IKZF3: variants seen among roughly 807,000 people sequenced by gnomAD.
IKZF3 encodes the protein zinc finger protein Aiolos.
In IKZF3, 10 loss-of-function variants were observed where a neutral mutation model predicts 49.0. The ratio of observed to expected loss-of-function variants is 0.20; its 90% confidence interval spans 0.13 to 0.35. The LOEUF (loss-of-function observed/expected upper bound fraction) is 0.35, where lower values mean the gene tolerates loss of function less well. Ranked by LOEUF, IKZF3 falls within the 10% of genes least tolerant of loss-of-function variation. The pLI is 1.00. For synonymous variants in IKZF3, 209 were observed against 228.2 expected (o/e 0.92, Z 0.76); for missense variants, 498 against 664.8 (o/e 0.75, Z 2.76).
intron 1 of IKZF3, among the ~76,000 whole-genome samples, chr17:39,846,838 C>G (rs79375929): frequency 1.3e-5 from 2 of 151,882 alleles, no homozygotes; most frequent in East Asian, 3.9e-4. Context: ...ACTCCATGGT[C>G]TGTTTTCCCA....
At position 39,809,631 on chromosome 17, in the gene IKZF3, C is replaced by T. The variant is rs778836477; in HGVS notation, c.164-16698G>A. The stretch of plus-strand genomic sequence containing the variant: ...CTGCTGATTAGATCCTGGAAGAAAC[C>T]GCAAGACACAACTGTCAGGGGCAGA... On this transcript the variant is annotated intron_variant, in intron 3 of 7. Transcript: ENST00000346872. Among the ~76,000 whole-genome samples, 43 of 152,146 alleles carry T rather than the reference C, an allele frequency of 2.8e-4. 1 individual carries two copies. The highest frequency in any genetic ancestry group is 1.6e-4 in the Non-Finnish European group (11 of 68,026).
chr17:39,856,214 C>T (rs1237650967), intron 1 of IKZF3, among the ~76,000 whole-genome samples: 2 of 152,064 alleles, frequency 1.3e-5, no homozygotes, highest in African/African-American at 4.8e-5. Flanking sequence ...AGAAGCATGT[C>T]CCAAGCAGCT....
chr17:39,780,236 C>T lies in IKZF3; in HGVS notation c.710-2469G>A, dbSNP rs866832625. Among the ~76,000 whole-genome samples the T allele has an allele frequency of 1.9e-4, 27 of 138,780 alleles. No homozygotes were observed. In the South Asian group the frequency reaches 5.9e-3, roughly 31 times the overall value. The allele number at this position is 138,780 out of a possible 152,430, so 91.0% of individuals were successfully genotyped here. On this transcript the variant is annotated intron_variant, in intron 6 of 7. Coordinates refer to ENST00000346872, the MANE Select transcript of IKZF3 (RefSeq NM_012481.5). Reference sequence around the variant, plus strand: ...CTCCAGCCTGCGTGACAGAGTGAGACTCTGTCTAAAAAAAAAAAAAAAAGC... The same window carrying T: ...CTCCAGCCTGCGTGACAGAGTGAGATTCTGTCTAAAAAAAAAAAAAAAAGC...
chr17:39,863,889 T>A (rs149429909), intron 1 of IKZF3, among the ~76,000 whole-genome samples: 9 of 152,202 alleles, frequency 5.9e-5, no homozygotes, highest in Admixed American at 1.3e-4. Flanking sequence ...GTCTGACAAC[T>A]CTTTAGAAAT....
chr17:39,796,434 A>G (rs1027848284), intron 3 of IKZF3, among the ~76,000 whole-genome samples: 4 of 151,816 alleles, frequency 2.6e-5, no homozygotes, highest in African/African-American at 9.7e-5. Context: ...TATCAACTCT[A>G]TGTCTTCAGG....
intron 1 of IKZF3, among the ~76,000 whole-genome samples, chr17:39,859,146 AC>A (rs2063147443): frequency 6.6e-6 from 1 of 151,840 alleles, no homozygotes; most frequent in South Asian, 2.1e-4. Context: ...TAAAAAAAAA[AC>A]TTTTAATTTT....
chr17:39,855,539 C>G (rs1480592077), intron 1 of IKZF3, among the ~76,000 whole-genome samples: 1 of 152,208 alleles, frequency 6.6e-6, no homozygotes, highest in Non-Finnish European at 1.5e-5. Context: ...CAATGGATAT[C>G]TATAGAGTCC....
chr17:39,844,164 C>A (rs923477323), intron 1 of IKZF3, among the ~76,000 whole-genome samples: 12 of 152,160 alleles, frequency 7.9e-5, no homozygotes, highest in Admixed American at 3.9e-4. Context: ...AGGCAGTCAA[C>A]ATAGCTTTGA....
At position 39,764,767 on chromosome 17, in the gene IKZF3, T is replaced by C. The variant is rs1011069365; in HGVS notation, c.*1023A>G. ...TCCTCACCCCATTCCGGAGCTCAAC[T>C]CCGATCTAAACACACATGCCATCTA... On this transcript the variant is annotated 3_prime_UTR_variant, in exon 8 of 8. Coordinates refer to ENST00000346872, the MANE Select transcript of IKZF3 (RefSeq NM_012481.5). The C allele has an allele frequency of 1.3e-5, 2 of 152,130 alleles. No homozygotes were observed. The highest frequency in any genetic ancestry group is 2.4e-5 in the African/African-American group (1 of 41,430). The allele number at this position is 152,130 out of a possible 1,614,324, so 9.4% of individuals were successfully genotyped here.
chr17:39,825,499 T>G (rs2061932829), intron 3 of IKZF3, among the ~76,000 whole-genome samples: 2 of 152,184 alleles, frequency 1.3e-5, no homozygotes, highest in African/African-American at 4.8e-5. Flanking sequence ...TAGGATTGGC[T>G]AGTTTTAATA....
chr17:39,845,258 A>G, intron 1 of IKZF3, among the ~76,000 whole-genome samples: 1 of 152,174 alleles, frequency 6.6e-6, no homozygotes, highest in East Asian at 1.9e-4. Context: ...ACGGTGGCTC[A>G]TGCCTGTAAT....
At chr17:39,810,628 A>T (rs968842877) in intron 3 of IKZF3, among the ~76,000 whole-genome samples, 5 of 151,952 alleles carry the variant, frequency 3.3e-5, no homozygotes, top group Non-Finnish European at 1.5e-5. Flanking sequence ...AAAAAAAAAA[A>T]AAAAACCCAA....
intron 7 of IKZF3, among the ~76,000 whole-genome samples, chr17:39,776,412 G>A (rs2060590660): frequency 6.6e-6 from 1 of 152,178 alleles, no homozygotes; most frequent in Non-Finnish European, 1.5e-5. Context: ...TGTTTACTGT[G>A]CCTAAACTCT....
Position 39,864,095 on chromosome 17 carries a change from GAAAAGAAGCGGGCT to G in IKZF3, c.7+11_7+24del. The G allele has an allele frequency of 6.2e-7, 1 of 1,613,058 alleles. No individual in the cohort carries two copies. The highest frequency in any genetic ancestry group is 1.1e-5 in the South Asian group (1 of 91,058). ...GGTTAAGTTTCTCAAAGACCCCGGA[GAAAAGAAGCGGGCT>G]GGAGGCTCACCTTCCATGTCGCTGC... On this transcript the variant is annotated intron_variant, in intron 1 of 7. Coordinates refer to ENST00000346872, the MANE Select transcript of IKZF3 (RefSeq NM_012481.5).
At chr17:39,800,967 G>A (rs2061302201) in intron 3 of IKZF3, among the ~76,000 whole-genome samples, 1 of 152,152 alleles carries the variant, frequency 6.6e-6, no homozygotes, top group Non-Finnish European at 1.5e-5. Flanking sequence ...GACAACTTGG[G>A]TATCTTGGAG....
chr17:39,769,565 A>T (rs2060383833), intron 7 of IKZF3, among the ~76,000 whole-genome samples: 1 of 152,226 alleles, frequency 6.6e-6, no homozygotes, highest in Admixed American at 6.5e-5. Context: ...GCCATCTGGA[A>T]GACTGAGAAC....
Position 39,764,244 on chromosome 17 carries a change from G to T in IKZF3, c.*1546C>A. 1 of 152,230 alleles carries T rather than the reference G, an allele frequency of 6.6e-6. No individual in the cohort carries two copies. The highest frequency in any genetic ancestry group is 1.5e-5 in the Non-Finnish European group (1 of 68,066). 9.4% of individuals were successfully genotyped at this position (152,230 alleles called of 1,614,324 possible). On this transcript the variant is annotated 3_prime_UTR_variant, in exon 8 of 8. Transcript: ENST00000346872. ...TTTAGGAGGCTGAGGCGGGCTGATT[G>T]CTTGAGCCCAGGAGTTCAAGACCAG...
chr17:39,822,060 C>T (rs1008452722), intron 3 of IKZF3, among the ~76,000 whole-genome samples: 1 of 152,144 alleles, frequency 6.6e-6, no homozygotes, highest in African/African-American at 2.4e-5. Flanking sequence ...GAACAGCTGA[C>T]CTGGTGGACC....
intron 3 of IKZF3, among the ~76,000 whole-genome samples, chr17:39,812,241 T>C (rs2061577655): frequency 6.6e-6 from 1 of 152,296 alleles, no homozygotes; most frequent in Admixed American, 6.5e-5. Flanking sequence ...TCTTCTTGTC[T>C]CCGACACTAT....
Sources: allele counts gnomAD v4.1 joint callset (sites outside exome capture counted in the v4.1 genomes callset), GRCh38; gene constraint gnomAD v4.1.1; transcripts MANE v1.5; gene names NCBI Gene and HGNC (gene_info 2026-07-23, HGNC 2026-07-21).